CUBN: variants seen among roughly 807,000 people sequenced by gnomAD.
CUBN encodes 460 kDa receptor.
In CUBN, 282 loss-of-function variants were observed where a neutral mutation model predicts 405.3. The ratio of observed to expected loss-of-function variants is 0.70; its 90% confidence interval spans 0.63 to 0.77. The LOEUF (loss-of-function observed/expected upper bound fraction) is 0.77. CUBN is among the 30% of genes least tolerant of loss of function. The probability of loss-of-function intolerance (pLI) is 0.00; values close to 1 mark genes in which losing one functional copy is unlikely to be tolerated. For synonymous variants in CUBN, 1,684 were observed against 1,617.0 expected (o/e 1.04, Z -0.99); for missense variants, 4,514 against 4,475.2 (o/e 1.01, Z -0.25).
At chr10:16,978,324 A>G (rs1447392270) in intron 31 of CUBN, among the ~76,000 whole-genome samples, 1 of 152,232 alleles carries the variant, frequency 6.6e-6, no homozygotes, top group South Asian at 2.1e-4. Context: ...ATATTCACTC[A>G]GAAACTTCAC....
intron 29 of CUBN, among the ~76,000 whole-genome samples, chr10:16,985,487 G>A (rs923956110): frequency 2.0e-5 from 3 of 152,194 alleles, no homozygotes; most frequent in Non-Finnish European, 4.4e-5. Flanking sequence ...TCAAGTCCGT[G>A]TGTGACCTGA....
intron 31 of CUBN, among the ~76,000 whole-genome samples, chr10:16,959,994 T>A (rs1843171808): frequency 6.6e-6 from 1 of 152,164 alleles, no homozygotes; most frequent in African/African-American, 2.4e-5. Flanking sequence ...CATTTCTAGA[T>A]GATAGTAATA....
Position 16,942,579 on chromosome 10 carries a change from G to T in CUBN, c.5343-2342C>A, listed in dbSNP as rs143196979. Among the ~76,000 whole-genome samples, 100 of 152,200 alleles carry T rather than the reference G, an allele frequency of 6.6e-4. 2 individuals carry two copies. In the East Asian group the frequency reaches 0.017, roughly 26 times the overall value. On this transcript the variant is annotated intron_variant, in intron 36 of 66. Transcript: ENST00000377833. ...ACTATTATTTAAAAATAGAAAATAA[G>T]AAGTGCTGATGAGGATATGGAGAAA...
intron 31 of CUBN, among the ~76,000 whole-genome samples, chr10:16,981,252 C>T (rs1006200273): frequency 1.5e-4 from 22 of 151,448 alleles, no homozygotes; most frequent in African/African-American, 4.6e-4. Context: ...AGCTGGACAT[C>T]GGAGACTATG....
At chr10:17,027,237 T>A (rs1387716571) in intron 27 of CUBN, among the ~76,000 whole-genome samples, 1 of 152,230 alleles carries the variant, frequency 6.6e-6, no homozygotes, top group Non-Finnish European at 1.5e-5. Flanking sequence ...CTCAGAACTG[T>A]TTCTAATGGT....
At chr10:16,891,934 A>C (rs1588624766) in intron 54 of CUBN, among the ~76,000 whole-genome samples, 2 of 152,204 alleles carry the variant, frequency 1.3e-5, no homozygotes, top group Admixed American at 6.5e-5. Flanking sequence ...CAACTATCTC[A>C]AACAAGGATG....
At chr10:16,870,424 G>A (rs1011511880) in intron 58 of CUBN, among the ~76,000 whole-genome samples, 1 of 152,184 alleles carries the variant, frequency 6.6e-6, no homozygotes, top group Non-Finnish European at 1.5e-5. Context: ...CCTCTGTGGT[G>A]GTCACTGACA....
intron 31 of CUBN, among the ~76,000 whole-genome samples, chr10:16,962,354 A>G (rs1843250940): frequency 6.6e-6 from 1 of 152,020 alleles, no homozygotes; most frequent in African/African-American, 2.4e-5. Flanking sequence ...CAAAAAAGAA[A>G]AGAGAACCAA....
intron 27 of CUBN, among the ~76,000 whole-genome samples, chr10:17,037,975 G>A (rs1317639701): frequency 2.1e-5 from 3 of 143,408 alleles, no homozygotes; most frequent in Admixed American, 7.2e-5. Context: ...GTCTCACTTC[G>A]TCACCCAGGC....
At chr10:16,910,568 C>T (rs749834929) in intron 48 of CUBN, among the ~76,000 whole-genome samples, 12 of 152,002 alleles carry the variant, frequency 7.9e-5, no homozygotes, top group Non-Finnish European at 1.5e-4. Context: ...AGGGCCCCCT[C>T]ATGCATACAG....
At chr10:16,970,575 T>C (rs1425899832) in intron 31 of CUBN, among the ~76,000 whole-genome samples, 1 of 66,376 alleles carries the variant, frequency 1.5e-5, no homozygotes, top group Non-Finnish European at 3.1e-5. Context: ...AAACTCCATC[T>C]CAAAAAAAAA....
At chr10:17,112,448 G>A (rs909266374) in intron 8 of CUBN, among the ~76,000 whole-genome samples, 1 of 151,868 alleles carries the variant, frequency 6.6e-6, no homozygotes, top group Non-Finnish European at 1.5e-5. Context: ...AAAATAGGGT[G>A]ATAAACAAGA....
chr10:17,048,827 T>C lies in CUBN; in HGVS notation c.3140-1224A>G, dbSNP rs558801133. ...GTTATGCTGTTTCCCTAGTTGCTGCTATATAATCCCCAAGCTCAGAAAAGA... is the reference window on the plus strand; with the variant it reads ...GTTATGCTGTTTCCCTAGTTGCTGCCATATAATCCCCAAGCTCAGAAAAGA... On this transcript the variant is annotated intron_variant, in intron 22 of 66. Coordinates refer to ENST00000377833, the MANE Select transcript of CUBN (RefSeq NM_001081.4). Among the ~76,000 whole-genome samples, 8 of 152,306 alleles carry C rather than the reference T, an allele frequency of 5.3e-5. No homozygotes were observed. In the South Asian group the frequency reaches 1.4e-3, roughly 28 times the overall value.
At chr10:17,034,517 G>A (rs1208308516) in intron 27 of CUBN, among the ~76,000 whole-genome samples, 1 of 152,128 alleles carries the variant, frequency 6.6e-6, no homozygotes, top group African/African-American at 2.4e-5. Context: ...GGTGGAAGTG[G>A]GCTATGAACA....
intron 14 of CUBN, among the ~76,000 whole-genome samples, chr10:17,096,290 C>A (rs1836374131): frequency 6.6e-6 from 1 of 151,972 alleles, no homozygotes; most frequent in Admixed American, 6.6e-5. Flanking sequence ...AATATTTTCA[C>A]CATATTGACT....
intron 31 of CUBN, among the ~76,000 whole-genome samples, chr10:16,972,760 C>T (rs570794397): frequency 1.4e-4 from 22 of 152,148 alleles, no homozygotes; most frequent in African/African-American, 4.1e-4. Context: ...GGCTTCCCCC[C>T]ACCATCTCTA....
chr10:17,129,511 A>G, intron 1 of CUBN, 133 bp downstream of exon 1: 1 of 1,209,114 alleles, frequency 8.3e-7, no homozygotes, highest in South Asian at 1.2e-5. Flanking sequence ...CTCAGTCTAA[A>G]TGTTTTTCCC....
chr10:16,897,769 G>A (rs1177324686), intron 54 of CUBN, among the ~76,000 whole-genome samples: 1 of 152,080 alleles, frequency 6.6e-6, no homozygotes, highest in Admixed American at 6.6e-5. Context: ...CAAGCATCTC[G>A]GGCCCATTAG....
intron 58 of CUBN, among the ~76,000 whole-genome samples, 186 bp downstream of exon 58, chr10:16,874,188 C>T (rs985161454): frequency 6.6e-6 from 1 of 152,166 alleles, no homozygotes. Flanking sequence ...TTAGTTACTA[C>T]CGGCTTGTGT....
Sources: allele counts gnomAD v4.1 joint callset (sites outside exome capture counted in the v4.1 genomes callset), GRCh38; gene constraint gnomAD v4.1.1; transcripts MANE v1.5; gene names NCBI Gene and HGNC (gene_info 2026-07-23, HGNC 2026-07-21).